The following MTSS2 variants were observed in gnomAD, a reference collection of about 807,000 sequenced individuals.
The protein encoded by MTSS2 is protein MTSS 2.
MTSS2 carries 27 observed loss-of-function variants against 67.1 expected under a neutral mutation model. That is an observed-to-expected ratio of 0.40 (90% CI 0.30 to 0.55). MTSS2 has a LOEUF of 0.55. MTSS2 is among the 20% of genes least tolerant of loss of function. MTSS2 has a pLI of 0.43. For synonymous variants in MTSS2, 624 were observed against 468.6 expected (o/e 1.33, Z -4.28); for missense variants, 1,171 against 1,067.8 (o/e 1.10, Z -1.35).
chr16:70,672,362 A>C (rs1386104142), intron 11 of MTSS2, among the ~76,000 whole-genome samples: 1 of 143,562 alleles, frequency 7.0e-6, no homozygotes, highest in Non-Finnish European at 1.5e-5. Flanking sequence ...AAAAAAAAAA[A>C]GGAAAAGAGA....
chr16:70,679,693 C>T lies in MTSS2; in HGVS notation c.394G>A (p.Ala132Thr). The change falls in exon 6 of 15, where the codon GCC becomes ACC. Residue 132 changes from alanine to threonine, a missense_variant. Transcript: ENST00000338779. ...GACTTCTTTTTGATCTCATGCCGGG[C>T]TCGTTTGTACTCTGCAGAAGGGGAG... ...DKDHAKEYKR[A>T]RHEIKKKSSD... 1 of 1,611,302 alleles carries T rather than the reference C, an allele frequency of 6.2e-7. No individual in the cohort carries two copies. Among genetic ancestry groups the T allele is most frequent in the Non-Finnish European group, 8.5e-7 (1 of 1,178,906 alleles).
Position 70,679,388 on chromosome 16 carries a change from G to T in MTSS2, c.458-65C>A, listed in dbSNP as rs1053036893. 5 of 1,595,264 alleles carry T rather than the reference G, an allele frequency of 3.1e-6. No homozygotes were observed. The East Asian group carries it at 8.9e-5, about 29-fold the overall frequency. On this transcript the variant is annotated intron_variant, in intron 6 of 14. Transcript: ENST00000338779. ...AAAGAAAGAATGTGTGAAAGACGCC[G>T]GATGGACAGAGCCACTCCTGGGGCG...
chr16:70,685,279 T>C (rs1006326899), intron 1 of MTSS2, among the ~76,000 whole-genome samples: 1 of 152,016 alleles, frequency 6.6e-6, no homozygotes, highest in Non-Finnish European at 1.5e-5. Flanking sequence ...GAGTTAACGG[T>C]TCTCCGCTTT....
chr16:70,684,836 C>G (rs1346340856), intron 1 of MTSS2, among the ~76,000 whole-genome samples: 1 of 152,194 alleles, frequency 6.6e-6, no homozygotes, highest in Non-Finnish European at 1.5e-5. Flanking sequence ...AAACCCTGGC[C>G]TCATTTGGGG....
chr16:70,665,214 C>A (rs1434322800), intron 12 of MTSS2, 118 bp from the exon 13 acceptor site: 2 of 1,206,672 alleles, frequency 1.7e-6, no homozygotes, highest in African/African-American at 3.0e-5. Context: ...CTCTGGTTCG[C>A]AATCACAGCC....
intron 1 of MTSS2, 38 bp downstream of exon 1, chr16:70,685,685 C>G: frequency 4.9e-6 from 6 of 1,236,766 alleles, no homozygotes; most frequent in Non-Finnish European, 5.2e-6. Flanking sequence ...GGTCCCGCAC[C>G]CGTCGCCGCG....
At chr16:70,671,024 C>G (rs1158790279) in intron 11 of MTSS2, among the ~76,000 whole-genome samples, 1 of 149,260 alleles carries the variant, frequency 6.7e-6, no homozygotes, top group Non-Finnish European at 1.5e-5. Context: ...AGCAGTTACC[C>G]TTGGGTGTGT....
intron 11 of MTSS2, among the ~76,000 whole-genome samples, chr16:70,673,244 G>C (rs1597812167): frequency 6.6e-6 from 1 of 152,246 alleles, no homozygotes; most frequent in South Asian, 2.1e-4. Flanking sequence ...CCAACAAGGA[G>C]AGGTTAAATA....
At position 70,677,816 on chromosome 16, in the gene MTSS2, G is replaced by T. The variant is rs377250710; in HGVS notation, c.708C>A (p.His236Gln). 62 of 1,611,278 alleles carry T rather than the reference G, an allele frequency of 3.8e-5. No homozygotes were observed. Among genetic ancestry groups the T allele is most frequent in the Admixed American group, 5.0e-5 (3 of 59,718 alleles). Residue 236 changes from histidine to glutamine, a missense_variant, in exon 9 of 15, where the codon CAC becomes CAA. Transcript: ENST00000338779. ...CCTGCTCGCTGGCGGGAGGCAGTTTGTGGGGTTCTGCTGTCAGCACCACCA... is the reference window on the plus strand; with the variant it reads ...CCTGCTCGCTGGCGGGAGGCAGTTTTTGGGGTTCTGCTGTCAGCACCACCA... ...DDLVVLTAEP[H>Q]KLPPASEQVI...
intron 11 of MTSS2, among the ~76,000 whole-genome samples, chr16:70,669,256 G>A (rs190338059): frequency 3.0e-4 from 46 of 152,236 alleles, no homozygotes; most frequent in Admixed American, 7.2e-4. Context: ...GAAGATATCC[G>A]ATGAGGAACT....
intron 11 of MTSS2, 89 bp from the exon 12 acceptor site, chr16:70,665,629 T>G: frequency 8.6e-7 from 1 of 1,166,710 alleles, no homozygotes; most frequent in Non-Finnish European, 1.2e-6. Context: ...GTCACAGAGC[T>G]GGCATGCAGG....
Position 70,665,112 on chromosome 16 carries a change from G to A in MTSS2, c.1129-16C>T. 1.3e-6 allele frequency: 2 copies of A among 1,583,114 alleles called. No individual in the cohort carries two copies. The highest frequency in any genetic ancestry group is 1.7e-6 in the Non-Finnish European group (2 of 1,171,768). On this transcript the variant is annotated splice_polypyrimidine_tract_variant and intron_variant, in intron 12 of 14. Transcript: ENST00000338779. ...TGGACCAGTCCTGCAGGGAGGGTGT[G>A]GCAGGTCAGGGGGACCACTGGCCCT...
At chr16:70,681,152 G>T in intron 1 of MTSS2, 127 bp from the exon 2 acceptor site, 2 of 836,922 alleles carry the variant, frequency 2.4e-6, no homozygotes, top group Non-Finnish European at 3.7e-6. Flanking sequence ...CTGCCCCATG[G>T]AGAGGGAGGC....
Position 70,661,548 on chromosome 16 carries a change from T to A in MTSS2, c.*2129A>T, listed in dbSNP as rs144441426. The A allele has an allele frequency of 2.0e-3, 699 of 348,804 alleles. 2 individuals are homozygous for A. Among genetic ancestry groups the A allele is most frequent in the African/African-American group, 0.013 (586 of 46,462 alleles). The allele number at this position is 348,804 out of a possible 1,614,324, so 21.6% of individuals were successfully genotyped here. Reference sequence around the variant, plus strand: ...AATGAGAAATTAAACGAACGTAAAGTCCCCCAAACCAAAGTTTGTGATGTG... The same window carrying A: ...AATGAGAAATTAAACGAACGTAAAGACCCCCAAACCAAAGTTTGTGATGTG... On this transcript the variant is annotated 3_prime_UTR_variant, in exon 15 of 15. Coordinates refer to ENST00000338779, the MANE Select transcript of MTSS2 (RefSeq NM_138383.3).
intron 1 of MTSS2, among the ~76,000 whole-genome samples, 156 bp downstream of exon 1, chr16:70,685,567 C>T (rs2053428216): frequency 6.6e-6 from 1 of 152,162 alleles, no homozygotes; most frequent in African/African-American, 2.4e-5. Flanking sequence ...CACCCGGAGA[C>T]ACGGGCGCCC....
Position 70,664,783 on chromosome 16 carries a change from G to C in MTSS2, c.1306-20C>G. The C allele has an allele frequency of 6.3e-7, 1 of 1,595,774 alleles. No individual in the cohort carries two copies. The highest frequency in any genetic ancestry group is 8.5e-7 in the Non-Finnish European group (1 of 1,170,380). Reference sequence around the variant, plus strand: ...ACCGTGCTGAGGGTGGGAAAGTGCAGGCTGAAGCCTTGCGCCCCCAATCCC... The same window carrying C: ...ACCGTGCTGAGGGTGGGAAAGTGCACGCTGAAGCCTTGCGCCCCCAATCCC... On this transcript the variant is annotated intron_variant, in intron 13 of 14. Coordinates refer to ENST00000338779, the MANE Select transcript of MTSS2 (RefSeq NM_138383.3).
Position 70,663,953 on chromosome 16 carries a change from G to A in MTSS2, c.1968C>T (p.Pro656=), listed in dbSNP as rs772453635. 77 of 1,562,534 alleles carry A rather than the reference G, an allele frequency of 4.9e-5. No homozygotes were observed. The South Asian group carries it at 5.5e-4, about 11-fold the overall frequency. Residue 656 remains proline, a synonymous_variant, in exon 15 of 15, where the codon CCC becomes CCT. Transcript: ENST00000338779. ...GSPSPEAAGY[P]GAGAEDEQQQ... is the part of the protein sequence containing the mutation. ...GCTGCTCGTCCTCGGCCCCTGCCCC[G>A]GGGTACCCGGCTGCCTCTGGGGATG...
rs553866711 is a variant in MTSS2 at position 70,679,923 on chromosome 16, C to T, written c.291-46G>A. On this transcript the variant is annotated intron_variant, in intron 4 of 14. Transcript: ENST00000338779. ...CGCAGGTCAGGGCCGGGCTCCCCCG[C>T]GACGCCCCGTCCCCCCGCCCCCCTG... 4.0e-4 allele frequency: 608 copies of T among 1,523,004 alleles called. 4 individuals carry two copies. The African/African-American group carries it at 6.2e-3, about 16-fold the overall frequency. 94.3% of individuals were successfully genotyped at this position (1,523,004 alleles called of 1,614,324 possible). A position where few individuals can be genotyped will look rare whatever the true frequency, so the allele number is the denominator to read the frequency against.
chr16:70,664,887 C>T (rs1302243147), intron 13 of MTSS2, 33 bp downstream of exon 13: 3 of 1,524,590 alleles, frequency 2.0e-6, no homozygotes, highest in East Asian at 2.4e-5. Context: ...CTGGGACTGA[C>T]CTGGGCGTGA....
Sources: allele counts gnomAD v4.1 joint callset (sites outside exome capture counted in the v4.1 genomes callset), GRCh38; gene constraint gnomAD v4.1.1; transcripts MANE v1.5; gene names NCBI Gene and HGNC (gene_info 2026-07-23, HGNC 2026-07-21).